Variants in PIK3R5 observed in about 807,000 individuals in gnomAD.
The protein encoded by PIK3R5 is phosphoinositide 3-kinase regulatory subunit 5.
In PIK3R5, 32 loss-of-function variants were observed where a neutral mutation model predicts 94.9. The ratio of observed to expected loss-of-function variants is 0.34; its 90% CI spans 0.25 to 0.45. The LOEUF (loss-of-function observed/expected upper bound fraction) is 0.45. Among genes scored for constraint, PIK3R5 ranks in the 20% least tolerant of loss-of-function variants. PIK3R5 has a pLI of 1.00. For missense variants in PIK3R5, 853 were observed against 1,144.6 expected, an observed-to-expected ratio of 0.75 and a Z score of 3.68; for synonymous variants, 443 against 479.4, an observed-to-expected ratio of 0.92 and a Z score of 0.99.
chr17:8,879,265 T>A lies in PIK3R5; in HGVS notation c.*1374A>T, dbSNP rs978141605. 1 of 152,244 alleles carries A rather than the reference T, an allele frequency of 6.6e-6. No individual in the cohort carries two copies. Among genetic ancestry groups the A allele is most frequent in the African/African-American group, 2.4e-5 (1 of 41,454 alleles). The allele number at this position is 152,244 out of a possible 1,614,324, so 9.4% of individuals were successfully genotyped here. ...GCTACTTTCTCCACATCAGTCCAGA[T>A]CCTCGTCTTGACTTCTGCCCTATCT... On this transcript the variant is annotated 3_prime_UTR_variant, in exon 19 of 19. Transcript: ENST00000447110. The surrounding 1 kb of genome is among the most constrained non-coding windows in gnomAD (Gnocchi z 4.4).
intron 3 of PIK3R5, among the ~76,000 whole-genome samples, chr17:8,907,278 G>A (rs919572154): frequency 2.6e-5 from 4 of 151,722 alleles, no homozygotes; most frequent in African/African-American, 7.3e-5. Flanking sequence ...TGATCCGCCC[G>A]CCTTGGCTTC....
Position 8,911,280 on chromosome 17 carries a change from C to T in PIK3R5, c.103+112G>A, listed in dbSNP as rs916980843. 3 of 800,286 alleles carry T rather than the reference C, an allele frequency of 3.7e-6. No individual in the cohort carries two copies. The highest frequency in any genetic ancestry group is 2.0e-5 in the Admixed American group (1 of 48,928). The allele number at this position is 800,286 out of a possible 1,614,324, so 49.6% of individuals were successfully genotyped here. A position where few individuals can be genotyped will look rare whatever the true frequency, so the allele number is the denominator to read the frequency against. ...AAGGCTGAGGCTTGCCCAAGTCACA[C>T]AGACAGGGTTTCACCTAGAATTTGC... On this transcript the variant is annotated intron_variant, in intron 2 of 18. Coordinates refer to ENST00000447110, the MANE Select transcript of PIK3R5 (RefSeq NM_001142633.3). This position sits in a 1 kb window ranked among gnomAD's most constrained non-coding sequence, Gnocchi z 5.3.
intron 1 of PIK3R5, among the ~76,000 whole-genome samples, chr17:8,922,501 T>C (rs1009250878): frequency 3.9e-5 from 6 of 152,212 alleles, no homozygotes; most frequent in African/African-American, 1.4e-4. Context: ...AAAGTTGGCG[T>C]GACTCTCAAA....
chr17:8,890,117 G>C lies in PIK3R5; in HGVS notation c.667C>G (p.Leu223Val), dbSNP rs2089987162. 3.1e-6 allele frequency: 5 copies of C among 1,613,802 alleles called. No homozygotes were observed. In the Admixed American group the frequency reaches 5.0e-5, roughly 16 times the overall value. ...GLHCRLQAKT[L>V]AELEDIFTET... The stretch of plus-strand genomic sequence containing the variant: ...GTGAAGATGTCCTCAAGCTCTGCCA[G>C]GGTCTTGGCCTGAAACCCCAGGAGG... Residue 223 changes from leucine to valine, a missense_variant, in exon 8 of 19, where the codon CTG becomes GTG. Coordinates refer to ENST00000447110, the MANE Select transcript of PIK3R5 (RefSeq NM_001142633.3). The surrounding 1 kb of genome is among the most constrained non-coding windows in gnomAD (Gnocchi z 6.1).
chr17:8,911,716 C>T lies in PIK3R5; in HGVS notation c.-13-209G>A, dbSNP rs2090529295. ...GCCACATCTGAGTGGCAGGACAGAG[C>T]ACCCCTGCAGCAGAACGGGACAGAG... On this transcript the variant is annotated intron_variant, in intron 1 of 18. Transcript: ENST00000447110. This position sits in a 1 kb window ranked among gnomAD's most constrained non-coding sequence, Gnocchi z 5.3. The T allele has an allele frequency of 1.9e-6, 1 of 530,908 alleles. No individual in the cohort carries two copies. Among genetic ancestry groups the T allele is most frequent in the South Asian group, 2.2e-5 (1 of 45,928 alleles). The allele number at this position is 530,908 out of a possible 1,614,324, so 32.9% of individuals were successfully genotyped here.
chr17:8,908,724 C>A (rs2090453796), intron 3 of PIK3R5, among the ~76,000 whole-genome samples: 1 of 152,102 alleles, frequency 6.6e-6, no homozygotes, highest in African/African-American at 2.4e-5. Flanking sequence ...CTCAGTTTAC[C>A]TTTCCGATCA....
rs2090855103 is a variant in PIK3R5, at chr17:8,925,330, T to C, written c.-13-13823A>G. 6.6e-6 allele frequency among the ~76,000 whole-genome samples: 1 copy of C among 151,648 alleles called. No individual in the cohort carries two copies. Among genetic ancestry groups the C allele is most frequent in the East Asian group, 1.9e-4 (1 of 5,166 alleles). On this transcript the variant is annotated intron_variant, in intron 1 of 18. Transcript: ENST00000447110. This position sits in a 1 kb window ranked among gnomAD's most constrained non-coding sequence, Gnocchi z 5.1. ...AGTAGATGGATAGATAGTAGATGGA[T>C]AGACAGTAGATTGATAGATAGATGG...
Position 8,893,880 on chromosome 17 carries a change from A to G in PIK3R5, c.413-225T>C. ...TCATATCCCCACCTCCACCTCCAAC[A>G]CCAAAACTCGGTCCTGGGCCTCGCT... On this transcript the variant is annotated intron_variant, in intron 5 of 18. Coordinates refer to ENST00000447110, the MANE Select transcript of PIK3R5 (RefSeq NM_001142633.3). This position sits in a 1 kb window ranked among gnomAD's most constrained non-coding sequence, Gnocchi z 5.1. The G allele has an allele frequency of 2.4e-6, 1 of 423,952 alleles. No homozygotes were observed. The allele number at this position is 423,952 out of a possible 1,614,324, so 26.3% of individuals were successfully genotyped here.
At chr17:8,933,600 C>A (rs2091022995) in intron 1 of PIK3R5, among the ~76,000 whole-genome samples, 2 of 152,028 alleles carry the variant, frequency 1.3e-5, no homozygotes, top group South Asian at 2.1e-4. Context: ...CACTACCAAA[C>A]AAAGAATAGT....
chr17:8,931,042 A>C (rs8068682), intron 1 of PIK3R5, among the ~76,000 whole-genome samples: 3,781 of 152,326 alleles, frequency 0.025, 160 homozygotes, highest in African/African-American at 0.086. Flanking sequence ...AAAAGGGTAC[A>C]AAGGATCTCT....
intron 1 of PIK3R5, among the ~76,000 whole-genome samples, chr17:8,921,539 G>A (rs2090744209): frequency 6.6e-6 from 1 of 152,152 alleles, no homozygotes; most frequent in Non-Finnish European, 1.5e-5. Context: ...ACAGAGTTAG[G>A]TAAAGTGGTT....
rs140426026 is a variant in PIK3R5, at chr17:8,953,322, G to T, written c.-14+12274C>A. On this transcript the variant is annotated intron_variant, in intron 1 of 18. Transcript: ENST00000447110. ...TGTGTTTTCTTGATGCTTACATAAG[G>T]CTAGTCCTTGTTCAACTCCACCCAT... 5.6e-3 allele frequency among the ~76,000 whole-genome samples: 854 copies of T among 152,240 alleles called. 11 individuals are homozygous for T. Among genetic ancestry groups the T allele is most frequent in the African/African-American group, 0.019 (786 of 41,526 alleles).
At chr17:8,915,413 CA>C (rs201916256) in intron 1 of PIK3R5, among the ~76,000 whole-genome samples, 6,119 of 103,950 alleles carry the variant, frequency 0.059, 346 homozygotes, top group East Asian at 0.18. Context: ...GACTCTGTCT[CA>C]AAAAAAAAAA....
chr17:8,952,004 C>G (rs2091385538), intron 1 of PIK3R5, among the ~76,000 whole-genome samples: 1 of 152,192 alleles, frequency 6.6e-6, no homozygotes, highest in Admixed American at 6.5e-5. Flanking sequence ...ACTTCCCTTC[C>G]CCCTTTCCCC....
chr17:8,897,388 G>A (rs2090175270), intron 5 of PIK3R5, among the ~76,000 whole-genome samples: 1 of 152,204 alleles, frequency 6.6e-6, no homozygotes, highest in Non-Finnish European at 1.5e-5. Flanking sequence ...TGAAAGGCCA[G>A]TGCCACCACA....
intron 12 of PIK3R5, 60 bp from the exon 13 acceptor site, chr17:8,886,665 G>A (rs569706427): frequency 1.3e-6 from 2 of 1,516,806 alleles, no homozygotes; most frequent in East Asian, 2.3e-5. Flanking sequence ...TGGTAAGAAG[G>A]AGCAAGAATT....
rs899592674 is a variant in PIK3R5, at chr17:8,909,937, C to T, written c.104-763G>A. Among the ~76,000 whole-genome samples, 3 of 152,216 alleles carry T rather than the reference C, an allele frequency of 2.0e-5. No homozygotes were observed. Among genetic ancestry groups the T allele is most frequent in the Non-Finnish European group, 4.4e-5 (3 of 68,042 alleles). On this transcript the variant is annotated intron_variant, in intron 2 of 18. Coordinates refer to ENST00000447110, the MANE Select transcript of PIK3R5 (RefSeq NM_001142633.3). This position sits in a 1 kb window ranked among gnomAD's most constrained non-coding sequence, Gnocchi z 4.3. Reference sequence around the variant, plus strand: ...CCAAGACGCAAGACTGAGTCTACAGCAGCCATGGAGCTTCCCAGGAATGGC... The same window carrying T: ...CCAAGACGCAAGACTGAGTCTACAGTAGCCATGGAGCTTCCCAGGAATGGC...
intron 5 of PIK3R5, among the ~76,000 whole-genome samples, chr17:8,897,133 T>C (rs576600112): frequency 2.6e-5 from 4 of 152,094 alleles, no homozygotes; most frequent in Admixed American, 6.6e-5. Context: ...GCTGGAGGAA[T>C]TGGGGACTCA....
chr17:8,886,289 T>G lies in PIK3R5; in HGVS notation c.2068A>C (p.Ile690Leu). The change falls in exon 14 of 19, where the codon ATC becomes CTC. Residue 690 changes from isoleucine (I) to leucine (L), a missense_variant. By Grantham distance (5) the Ile-to-Leu change is conservative (BLOSUM62 2). Coordinates refer to ENST00000447110, the MANE Select transcript of PIK3R5 (RefSeq NM_001142633.3). ...CCCAGCTCCAAGGAGTGGATGAAGA[T>G]CTCTGTCGTCTTCTCCCCAGTGATG... ...TFITGEKTTE[I>L]FIHSLELGHS... 6.2e-7 allele frequency: 1 copy of G among 1,613,682 alleles called. No homozygotes were observed. Among genetic ancestry groups the G allele is most frequent in the Non-Finnish European group, 8.5e-7 (1 of 1,179,964 alleles).
Sources: gnomAD v4.1 joint callset for allele counts (sites outside exome capture counted in the v4.1 genomes callset) on GRCh38, gnomAD v4.1.1 for gene constraint, Gnocchi (gnomAD v3.1) non-coding constraint, MANE v1.5 for transcripts, NCBI Gene and HGNC (gene_info 2026-07-23, HGNC 2026-07-21) for gene names.